The following ZC3H12B variants were observed in gnomAD, a reference collection of about 807,000 sequenced individuals.
ZC3H12B encodes probable ribonuclease ZC3H12B.
A neutral mutation model predicts 43.9 loss-of-function variants in ZC3H12B; 7 were observed. That is an observed-to-expected ratio of 0.16 (90% CI 0.09 to 0.30). The LOEUF is 0.30. ZC3H12B is among the 10% of genes least tolerant of loss of function. The probability of loss-of-function intolerance (pLI) is 1.00; values close to 1 mark genes in which losing one functional copy is unlikely to be tolerated. For synonymous variants in ZC3H12B, 222 were observed against 241.7 expected (o/e 0.92, Z 0.76); for missense variants, 475 against 670.2 (o/e 0.71, Z 3.22).
At chrX:65,425,727 T>A (rs977335248) in intron 3 of ZC3H12B, among the ~76,000 whole-genome samples, 13 of 111,965 alleles carry the variant, frequency 1.2e-4, no homozygotes, top group African/African-American at 4.2e-4. Flanking sequence ...ATCATGTAGT[T>A]TTTGACTTTA....
chrX:65,487,518 C>A (rs1307377860), upstream of ZC3H12B, among the ~76,000 whole-genome samples: 1 of 110,137 alleles, frequency 9.1e-6, no homozygotes, highest in African/African-American at 3.3e-5. Flanking sequence ...CCAGCCTGGG[C>A]AACAGAGCAA....
At chrX:65,061,063 T>C in the ZC3H12B span, among the ~76,000 whole-genome samples, 2 of 112,251 alleles carry the variant, frequency 1.8e-5, no homozygotes, top group African/African-American at 3.2e-5. Context: ...TAGTTGCTCT[T>C]TGTAGCTACT....
At chrX:65,362,752 T>C (rs1226580350), upstream of ZC3H12B, among the ~76,000 whole-genome samples, 2 of 111,324 alleles carry the variant, frequency 1.8e-5, no homozygotes, top group Non-Finnish European at 1.9e-5. Flanking sequence ...TGTTACAGCA[T>C]GGCCTTTTAA....
At chrX:65,452,191 A>G (rs902412391) in intron 3 of ZC3H12B, among the ~76,000 whole-genome samples, 1 of 111,471 alleles carries the variant, frequency 9.0e-6, no homozygotes, top group Non-Finnish European at 1.9e-5. Context: ...GGGCAATCAG[A>G]CCAGAGAAAG....
the ZC3H12B span, among the ~76,000 whole-genome samples, chrX:65,061,585 A>T: frequency 2.7e-5 from 3 of 112,020 alleles, no homozygotes; most frequent in Admixed American, 9.4e-5. Context: ...ATTTGGGTTG[A>T]TTCCAAGTCT....
the ZC3H12B span, among the ~76,000 whole-genome samples, chrX:65,232,947 C>T: frequency 3.6e-5 from 4 of 111,530 alleles, no homozygotes; most frequent in African/African-American, 1.3e-4. Flanking sequence ...AGCAGCTATA[C>T]TTACATCAGA....
intron 3 of ZC3H12B, among the ~76,000 whole-genome samples, chrX:65,448,530 T>C (rs1315894925): frequency 9.0e-6 from 1 of 111,262 alleles, no homozygotes; most frequent in Non-Finnish European, 1.9e-5. Context: ...ATAAAGAAGA[T>C]GTGGGACCGG....
At chrX:65,368,202 T>C (rs759617843) in intron 1 of ZC3H12B, among the ~76,000 whole-genome samples, 1 of 112,213 alleles carries the variant, frequency 8.9e-6, no homozygotes, top group South Asian at 3.7e-4. Flanking sequence ...TTTGTTTGTA[T>C]GTTTCTGTCA....
the ZC3H12B span, among the ~76,000 whole-genome samples, chrX:65,148,887 C>G: frequency 8.9e-6 from 1 of 111,922 alleles, no homozygotes; most frequent in African/African-American, 3.2e-5. Context: ...ATTCCACCAT[C>G]TCCCTGATGT....
the ZC3H12B span, among the ~76,000 whole-genome samples, chrX:65,158,896 A>T: frequency 8.9e-6 from 1 of 111,760 alleles, no homozygotes. Flanking sequence ...TAGGGTTTTT[A>T]TGGTTTTAGG....
At chrX:65,495,588 A>T (rs186778619) in intron 1 of ZC3H12B, among the ~76,000 whole-genome samples, 89 of 112,175 alleles carry the variant, frequency 7.9e-4, no homozygotes, top group African/African-American at 2.8e-3. Flanking sequence ...GTGTATGCCC[A>T]TTTGTTACCA....
intron 2 of ZC3H12B, among the ~76,000 whole-genome samples, chrX:65,372,434 T>C (rs1188930662): frequency 1.9e-5 from 2 of 106,870 alleles, no homozygotes; most frequent in African/African-American, 6.9e-5. Context: ...GCGGACATAT[T>C]TTAAGAAAGG....
intron 2 of ZC3H12B, among the ~76,000 whole-genome samples, chrX:65,380,100 C>A: frequency 9.0e-6 from 1 of 111,415 alleles, no homozygotes; most frequent in Non-Finnish European, 1.9e-5. Context: ...TCAGGAAATA[C>A]AAAGAACGCC....
the ZC3H12B span, among the ~76,000 whole-genome samples, chrX:65,202,138 A>C: frequency 1.7e-3 from 124 of 71,452 alleles, 1 homozygote; most frequent in African/African-American, 0.027. Context: ...TATATATTTT[A>C]TATAATATGA....
At chrX:65,143,980 C>T in the ZC3H12B span, among the ~76,000 whole-genome samples, 5 of 110,778 alleles carry the variant, frequency 4.5e-5, no homozygotes, top group Non-Finnish European at 7.6e-5. Flanking sequence ...TGGGTTATGT[C>T]CTTTTCTGGT....
the ZC3H12B span, among the ~76,000 whole-genome samples, chrX:65,050,174 T>C: frequency 9.0e-6 from 1 of 111,392 alleles, no homozygotes; most frequent in African/African-American, 3.2e-5. Flanking sequence ...TTTGATGCCA[T>C]TGAAAATACA....
chrX:65,416,135 TA>T (rs2066957380), intron 3 of ZC3H12B, among the ~76,000 whole-genome samples: 1 of 112,135 alleles, frequency 8.9e-6, no homozygotes, highest in Non-Finnish European at 1.9e-5. Flanking sequence ...ATTTCTATTA[TA>T]TAAGATACGA....
chrX:65,161,897 G>A, the ZC3H12B span, among the ~76,000 whole-genome samples: 2 of 111,842 alleles, frequency 1.8e-5, no homozygotes, highest in South Asian at 7.4e-4. Context: ...TTTTGCAGTG[G>A]CTGGTACTGG....
the ZC3H12B span, among the ~76,000 whole-genome samples, chrX:65,120,107 T>A: frequency 8.9e-6 from 1 of 112,131 alleles, no homozygotes; most frequent in African/African-American, 3.2e-5. Flanking sequence ...TTCTTTTGAC[T>A]TAGGATTAAC....
Sources: allele counts gnomAD v4.1 joint callset (sites outside exome capture counted in the v4.1 genomes callset), GRCh38; gene constraint gnomAD v4.1.1; transcripts MANE v1.5; gene names NCBI Gene and HGNC (gene_info 2026-07-23, HGNC 2026-07-21).